The following WT1 variants were observed in gnomAD, a reference collection of about 807,000 sequenced individuals.
The protein encoded by WT1 is WT1 transcription factor, also known as Wilms tumor protein.
Under a neutral mutation model 60.8 loss-of-function variants are expected in WT1, and 8 were observed. That is an observed-to-expected ratio of 0.13 (90% CI 0.08 to 0.24). The LOEUF is 0.24. Among genes scored for constraint, WT1 ranks in the 10% least tolerant of loss-of-function variants. WT1 has a pLI of 1.00. For synonymous variants in WT1, 312 were observed against 297.1 expected, an observed-to-expected ratio of 1.05 and a Z score of -0.52; for missense variants, 568 against 711.8, an observed-to-expected ratio of 0.80 and a Z score of 2.30.
At chr11:32,416,408 A>T in intron 5 of WT1, 82 bp downstream of exon 5, 4 of 1,562,694 alleles carry the variant, frequency 2.6e-6, no homozygotes, top group Non-Finnish European at 3.5e-6. Flanking sequence ...TACCCACGTC[A>T]GTCCTAACTC....
chr11:32,401,371 G>A (rs770396025), intron 5 of WT1, among the ~76,000 whole-genome samples: 10 of 152,122 alleles, frequency 6.6e-5, no homozygotes, highest in Non-Finnish European at 1.0e-4. Context: ...CAAAGAAAAT[G>A]ACTGCTGAAA....
chr11:32,392,163 T>C lies in WT1; in HGVS notation c.1355-99A>G, dbSNP rs865929955. The C allele has an allele frequency of 1.1e-4, 108 of 1,026,942 alleles. No individual in the cohort carries two copies. The Middle Eastern group carries it at 5.5e-3, about 52-fold the overall frequency. The allele number at this position is 1,026,942 out of a possible 1,614,324, so 63.6% of individuals were successfully genotyped here. ...GCAGCTGGAGGAGCCCAGCATTTCCTGCCATGCCTGCAATGTCTGCATCTG... is the reference window on the plus strand; with the variant it reads ...GCAGCTGGAGGAGCCCAGCATTTCCCGCCATGCCTGCAATGTCTGCATCTG... On this transcript the variant is annotated intron_variant, in intron 8 of 9. Coordinates refer to ENST00000452863, the MANE Select transcript of WT1 (RefSeq NM_024426.6).
rs191528827 is a variant in WT1, at chr11:32,421,397, G to A, written c.888-3743C>T. Among the ~76,000 whole-genome samples the A allele has an allele frequency of 5.8e-4, 88 of 152,324 alleles. No individual in the cohort carries two copies. In the East Asian group the frequency reaches 8.3e-3, roughly 14 times the overall value. On this transcript the variant is annotated intron_variant, in intron 3 of 9. Transcript: ENST00000452863. Reference sequence around the variant, plus strand: ...TCACGTAGGCATTTCAGCTCCAACCGTCTAACTCTGCCTGTTCGGAAGTGA... The same window carrying A: ...TCACGTAGGCATTTCAGCTCCAACCATCTAACTCTGCCTGTTCGGAAGTGA...
intron 5 of WT1, among the ~76,000 whole-genome samples, chr11:32,401,523 G>A (rs5030250): frequency 1.3e-5 from 2 of 151,518 alleles, no homozygotes; most frequent in Non-Finnish European, 2.9e-5. Context: ...GGTGTGGTCC[G>A]AGAAGGATGC....
chr11:32,435,481 C>G lies in WT1; in HGVS notation c.-121G>C, dbSNP rs1298943084. 3 of 1,438,300 alleles carry G rather than the reference C, an allele frequency of 2.1e-6. No homozygotes were observed. The highest frequency in any genetic ancestry group is 2.8e-6 in the Non-Finnish European group (3 of 1,080,838). The allele number at this position is 1,438,300 out of a possible 1,614,324, so 89.1% of individuals were successfully genotyped here. On this transcript the variant is annotated 5_prime_UTR_variant, in exon 1 of 10. Transcript: ENST00000452863. ...GGAAGTGGGGGAGCGGACAGGCGGT[C>G]GGGTTGCGGAGAGCCCCCGGGTGTG...
At chr11:32,416,391 C>T (rs891625967) in intron 5 of WT1, 99 bp downstream of exon 5, 4 of 1,471,178 alleles carry the variant, frequency 2.7e-6, no homozygotes, top group Admixed American at 1.7e-5. Flanking sequence ...CCAAATGCTA[C>T]CCTGATTACC....
At chr11:32,429,997 A>AG (rs1293251771) in intron 1 of WT1, among the ~76,000 whole-genome samples, 1 of 131,718 alleles carries the variant, frequency 7.6e-6, no homozygotes, top group African/African-American at 3.8e-5. Flanking sequence ...AAAAAGAAAA[A>AG]GAAAAAAAAA....
At chr11:32,403,798 C>T (rs1852229602) in intron 5 of WT1, among the ~76,000 whole-genome samples, 1 of 151,972 alleles carries the variant, frequency 6.6e-6, no homozygotes, top group Non-Finnish European at 1.5e-5. Context: ...TGGTCTTAAT[C>T]TCCTGACCTC....
intron 3 of WT1, among the ~76,000 whole-genome samples, chr11:32,419,401 T>C (rs1852782810): frequency 6.6e-6 from 1 of 152,228 alleles, no homozygotes; most frequent in Admixed American, 6.5e-5. Flanking sequence ...TCTATATTTT[T>C]GTCACTAATT....
At chr11:32,427,874 C>G (rs5030170) in intron 3 of WT1, 82 bp downstream of exon 3, 2 of 1,385,272 alleles carry the variant, frequency 1.4e-6, no homozygotes, top group African/African-American at 1.4e-5. Context: ...GGCTGCCCGG[C>G]TGGGGCGTTC....
At chr11:32,419,866 G>A (rs939176814) in intron 3 of WT1, among the ~76,000 whole-genome samples, 2 of 152,088 alleles carry the variant, frequency 1.3e-5, no homozygotes, top group African/African-American at 2.4e-5. Context: ...GCTAATTTTT[G>A]TATTTTTAGT....
intron 3 of WT1, 77 bp downstream of exon 3, chr11:32,427,879 G>GT (rs1853109242): frequency 2.1e-6 from 3 of 1,424,664 alleles, no homozygotes; most frequent in Non-Finnish European, 2.9e-6. Context: ...CCCGGCTGGG[G>GT]CGTTCCCAAG....
intron 3 of WT1, among the ~76,000 whole-genome samples, chr11:32,418,987 G>A (rs1010752436): frequency 4.6e-5 from 7 of 152,138 alleles, no homozygotes; most frequent in African/African-American, 1.4e-4. Flanking sequence ...TAGTCAGTGT[G>A]TATCTGGACG....
At chr11:32,410,166 A>G (rs1445277186) in intron 5 of WT1, among the ~76,000 whole-genome samples, 2 of 152,092 alleles carry the variant, frequency 1.3e-5, no homozygotes, top group African/African-American at 4.8e-5. Flanking sequence ...CCTGACCTCA[A>G]GTGATCCACC....
At chr11:32,405,487 T>C (rs1391221788) in intron 5 of WT1, among the ~76,000 whole-genome samples, 2 of 148,858 alleles carry the variant, frequency 1.3e-5, no homozygotes, top group South Asian at 2.1e-4. Flanking sequence ...ATATATGTTA[T>C]ATATAATATA....
rs1311704660 is a variant in WT1 at position 32,435,184 on chromosome 11, C to G, written c.177G>C (p.Gln59His). ...CGGACGCCCCGCGGCTCCTCCGGCC[C>G]TGGAGACGTTCAGCGCTGGCCTCGG... Residue 59 changes from glutamine to histidine, a missense_variant, in exon 1 of 10, where the codon CAG becomes CAC. Physicochemically the swap from Gln to His is conservative, Grantham distance 24 (BLOSUM62 0). Coordinates refer to ENST00000452863, the MANE Select transcript of WT1 (RefSeq NM_024426.6). 2 of 1,526,212 alleles carry G rather than the reference C, an allele frequency of 1.3e-6. No homozygotes were observed. The highest frequency in any genetic ancestry group is 1.8e-6 in the Non-Finnish European group (2 of 1,142,038). 94.5% of individuals were successfully genotyped at this position (1,526,212 alleles called of 1,614,324 possible). A position where few individuals can be genotyped will look rare whatever the true frequency, so the allele number is the denominator to read the frequency against.
intron 4 of WT1, among the ~76,000 whole-genome samples, chr11:32,417,099 G>T (rs1266303478): frequency 2.6e-5 from 4 of 151,884 alleles, no homozygotes. Flanking sequence ...CCCTATTATG[G>T]TTGTATTATC....
Position 32,435,425 on chromosome 11 carries a change from G to T in WT1, c.-65C>A. 6 of 363,378 alleles carry T rather than the reference G, an allele frequency of 1.7e-5. No individual in the cohort carries two copies. The highest frequency in any genetic ancestry group is 3.2e-5 in the Non-Finnish European group (6 of 184,990). 22.5% of individuals were successfully genotyped at this position (363,378 alleles called of 1,614,324 possible). A position where few individuals can be genotyped will look rare whatever the true frequency, so the allele number is the denominator to read the frequency against. ...TGCCGTCCCGGCTCTGGGTGGGTGGGTGGGTGAATGAGTAGGTGGGAGGGA... is the reference window on the plus strand; with the variant it reads ...TGCCGTCCCGGCTCTGGGTGGGTGGTTGGGTGAATGAGTAGGTGGGAGGGA... On this transcript the variant is annotated 5_prime_UTR_variant, in exon 1 of 10. Transcript: ENST00000452863.
intron 8 of WT1, 131 bp downstream of exon 8, chr11:32,392,535 G>T: frequency 2.2e-6 from 2 of 890,796 alleles, no homozygotes; most frequent in Non-Finnish European, 1.8e-6. Flanking sequence ...CAGAGATTAT[G>T]GGGGGAAAAT....
Sources: gnomAD v4.1 joint callset for allele counts (sites outside exome capture counted in the v4.1 genomes callset) on GRCh38, gnomAD v4.1.1 for gene constraint, MANE v1.5 for transcripts, NCBI Gene and HGNC (gene_info 2026-07-23, HGNC 2026-07-21) for gene names.